CEP63: variants seen among roughly 807,000 people sequenced by gnomAD.
CEP63 encodes centrosomal protein 63.
Under a neutral mutation model 89.1 loss-of-function variants are expected in CEP63, and 84 were observed. The observed-to-expected ratio is 0.94, with a 90% CI of 0.79 to 1.13. The LOEUF (loss-of-function observed/expected upper bound fraction) is 1.13, where lower values mean the gene tolerates loss of function less well. CEP63 is among the 50% of genes most tolerant of loss of function. The probability of loss-of-function intolerance (pLI) is 0.00; values close to 1 mark genes in which losing one functional copy is unlikely to be tolerated. For synonymous variants in CEP63, 267 were observed against 272.5 expected, an observed-to-expected ratio of 0.98 and a Z score of 0.20; for missense variants, 838 against 813.3, an observed-to-expected ratio of 1.03 and a Z score of -0.37.
At chr3:134,717,099 A>G in the CEP63 span, among the ~76,000 whole-genome samples, 2 of 152,340 alleles carry the variant, frequency 1.3e-5, no homozygotes, top group African/African-American at 2.4e-5. Flanking sequence ...AGCTGGTCCA[A>G]TGAGATGCTT....
chr3:134,545,305 A>AT (rs1304810734), intron 6 of CEP63, among the ~76,000 whole-genome samples: 3 of 151,532 alleles, frequency 2.0e-5, no homozygotes, highest in Admixed American at 6.6e-5. Flanking sequence ...CAATTTTTGT[A>AT]TTTTTTATAA....
the CEP63 span, among the ~76,000 whole-genome samples, chr3:134,740,953 G>A: frequency 6.6e-6 from 1 of 151,986 alleles, no homozygotes; most frequent in East Asian, 1.9e-4. Context: ...GTGCACTTTT[G>A]CCAAGGTCCT....
At chr3:134,650,244 A>G in the CEP63 span, among the ~76,000 whole-genome samples, 1 of 152,264 alleles carries the variant, frequency 6.6e-6, no homozygotes, top group Non-Finnish European at 1.5e-5. Flanking sequence ...AAGTGGAGAC[A>G]GCAGGTTTCA....
At chr3:134,765,290 C>G in the CEP63 span, among the ~76,000 whole-genome samples, 4 of 152,244 alleles carry the variant, frequency 2.6e-5, no homozygotes, top group Non-Finnish European at 4.4e-5. Flanking sequence ...TAAATACTTA[C>G]TCATCACCTG....
At chr3:134,765,050 G>A in the CEP63 span, among the ~76,000 whole-genome samples, 1 of 152,200 alleles carries the variant, frequency 6.6e-6, no homozygotes, top group East Asian at 1.9e-4. Flanking sequence ...AAACCTGATA[G>A]CTAGGCCCCA....
chr3:134,648,640 G>A, the CEP63 span, among the ~76,000 whole-genome samples: 1 of 152,114 alleles, frequency 6.6e-6, no homozygotes, highest in Non-Finnish European at 1.5e-5. Flanking sequence ...ACATCTGCTG[G>A]CTCTGCAGCC....
At chr3:134,496,366 G>C (rs1939962313) in intron 2 of CEP63, among the ~76,000 whole-genome samples, 1 of 146,768 alleles carries the variant, frequency 6.8e-6, no homozygotes, top group Non-Finnish European at 1.5e-5. Context: ...ATATGTAAAT[G>C]TTGCAGTGTA....
At chr3:134,665,257 G>A in the CEP63 span, among the ~76,000 whole-genome samples, 1 of 152,196 alleles carries the variant, frequency 6.6e-6, no homozygotes, top group South Asian at 2.1e-4. Context: ...TGGTGTCCAT[G>A]GGGGACTCCT....
chr3:134,550,758 G>C (rs947967335), intron 11 of CEP63, among the ~76,000 whole-genome samples: 2 of 152,216 alleles, frequency 1.3e-5, no homozygotes, highest in African/African-American at 2.4e-5. Context: ...CTGTGACCTT[G>C]AGGTCAGTAG....
At chr3:134,575,830 C>T (rs1244260864), downstream of CEP63, among the ~76,000 whole-genome samples, 3 of 152,052 alleles carry the variant, frequency 2.0e-5, no homozygotes, top group South Asian at 2.1e-4. Context: ...CCAGGCTGGT[C>T]TCGAACTCCT....
chr3:134,764,457 G>A, the CEP63 span, among the ~76,000 whole-genome samples: 1 of 151,894 alleles, frequency 6.6e-6, no homozygotes, highest in African/African-American at 2.4e-5. Context: ...CCATCCTGTC[G>A]TAGCCCCTCC....
At chr3:134,765,478 A>T in the CEP63 span, among the ~76,000 whole-genome samples, 8 of 152,192 alleles carry the variant, frequency 5.3e-5, no homozygotes, top group Admixed American at 5.2e-4. Context: ...TGAGTGAGTG[A>T]ATAAGGGGGA....
intron 3 of CEP63, among the ~76,000 whole-genome samples, chr3:134,527,069 G>A (rs528214553): frequency 9.2e-5 from 14 of 152,308 alleles, no homozygotes; most frequent in Middle Eastern, 6.8e-3. Context: ...GTGACAGTGG[G>A]ATTCATCCTT....
the CEP63 span, among the ~76,000 whole-genome samples, chr3:134,636,350 C>G: frequency 6.6e-6 from 1 of 152,246 alleles, no homozygotes; most frequent in East Asian, 1.9e-4. Context: ...GTCTTTTGTT[C>G]CACCCCTTGA....
At chr3:134,772,541 C>T in the CEP63 span, among the ~76,000 whole-genome samples, 1 of 152,058 alleles carries the variant, frequency 6.6e-6, no homozygotes, top group African/African-American at 2.4e-5. Context: ...TCTTCCCTTT[C>T]TCCTCTTCAT....
chr3:134,552,027 A>T lies in CEP63; in HGVS notation c.1467+15A>T. 1 of 1,463,200 alleles carries T rather than the reference A, an allele frequency of 6.8e-7. No individual in the cohort carries two copies. The highest frequency in any genetic ancestry group is 9.5e-7 in the Non-Finnish European group (1 of 1,047,468). The allele number at this position is 1,463,200 out of a possible 1,614,324, so 90.6% of individuals were successfully genotyped here. ...GTTTACATGAGGTACATAAATAGAAACTTAAGTTTTTCTACTATCCAAGCC... is the reference window on the plus strand; with the variant it reads ...GTTTACATGAGGTACATAAATAGAATCTTAAGTTTTTCTACTATCCAAGCC... On this transcript the variant is annotated intron_variant, in intron 12 of 14. Transcript: ENST00000675561.
At chr3:134,762,640 C>A in the CEP63 span, among the ~76,000 whole-genome samples, 1 of 152,156 alleles carries the variant, frequency 6.6e-6, no homozygotes, top group Admixed American at 6.5e-5. Flanking sequence ...GAGAAGACAG[C>A]CATTTGCAAG....
the CEP63 span, chr3:134,619,129 G>A: frequency 5.7e-6 from 9 of 1,592,210 alleles, no homozygotes; most frequent in African/African-American, 1.2e-4. Context: ...GTCAGCATGG[G>A]GACTCCTGTC....
the CEP63 span, among the ~76,000 whole-genome samples, chr3:134,616,906 C>T: frequency 1.3e-5 from 2 of 152,200 alleles, no homozygotes; most frequent in Admixed American, 1.3e-4. Context: ...AGTCCTATAG[C>T]CCTGCCAGGT....
Sources: allele counts gnomAD v4.1 joint callset (sites outside exome capture counted in the v4.1 genomes callset), GRCh38; gene constraint gnomAD v4.1.1; transcripts MANE v1.5; gene names NCBI Gene and HGNC (gene_info 2026-07-23, HGNC 2026-07-21).